The following FHIT variants were observed in gnomAD, a reference collection of about 807,000 sequenced individuals.
FHIT encodes bis(5'-adenosyl)-triphosphatase.
FHIT carries 19 observed loss-of-function variants against 17.9 expected under a neutral mutation model. The ratio of observed to expected loss-of-function variants is 1.06; its 90% CI spans 0.74 to 1.56. The LOEUF is 1.56. Ranked by LOEUF, FHIT falls within the 40% of genes most tolerant of loss-of-function variation. The probability of loss-of-function intolerance (pLI) is 0.00; values close to 1 mark genes in which losing one functional copy is unlikely to be tolerated. For missense variants in FHIT, 248 were observed against 189.2 expected (o/e 1.31, Z -1.82); for synonymous variants, 81 against 69.7 (o/e 1.16, Z -0.81).
intron 8 of FHIT, among the ~76,000 whole-genome samples, chr3:59,789,435 A>G (rs185986602): frequency 3.3e-4 from 50 of 152,292 alleles, no homozygotes; most frequent in African/African-American, 1.1e-3. Context: ...AACACTATGC[A>G]TTTTTCTCTT....
At chr3:60,712,384 C>T (rs1324685213) in intron 4 of FHIT, among the ~76,000 whole-genome samples, 2 of 152,056 alleles carry the variant, frequency 1.3e-5, no homozygotes, top group African/African-American at 4.8e-5. Flanking sequence ...AGCAAAATAA[C>T]CAGCTAACAT....
intron 5 of FHIT, among the ~76,000 whole-genome samples, chr3:60,346,467 G>A (rs113686297): frequency 0.012 from 1,780 of 152,326 alleles, 39 homozygotes; most frequent in African/African-American, 0.041. Flanking sequence ...TGGAGCCACA[G>A]GGAATTTGCA....
intron 5 of FHIT, among the ~76,000 whole-genome samples, chr3:60,334,932 C>CT (rs921739911): frequency 6.6e-6 from 1 of 152,136 alleles, no homozygotes; most frequent in Admixed American, 6.5e-5. Context: ...GAAACAGAAT[C>CT]TTTTTAAATT....
intron 4 of FHIT, chr3:60,730,327 A>G (rs1577129157): frequency 3.8e-6 from 1 of 264,680 alleles, no homozygotes; most frequent in East Asian, 1.0e-4. Flanking sequence ...CCCAATATCA[A>G]TGGTGAATAT....
chr3:60,090,976 C>T (rs752736706), intron 5 of FHIT, among the ~76,000 whole-genome samples: 1 of 152,172 alleles, frequency 6.6e-6, no homozygotes, highest in Admixed American at 6.5e-5. Flanking sequence ...TCATACTCAT[C>T]CATAATGACC....
intron 5 of FHIT, among the ~76,000 whole-genome samples, chr3:60,358,383 T>C (rs1232261866): frequency 6.6e-6 from 1 of 152,124 alleles, no homozygotes; most frequent in Non-Finnish European, 1.5e-5. Flanking sequence ...AAACCAAGGA[T>C]GGACTACAGT....
At chr3:60,976,090 C>CTTTTTTTTTTTTTTTT (rs1710224532) in intron 3 of FHIT, among the ~76,000 whole-genome samples, 2 of 58,084 alleles carry the variant, frequency 3.4e-5, no homozygotes, top group South Asian at 6.8e-4. Context: ...TTTCGTTTTT[C>CTTTTTTTTTTTTTTTT]TTTTTCTTTT....
chr3:60,221,296 C>G (rs1025843467), intron 5 of FHIT, among the ~76,000 whole-genome samples: 2 of 152,008 alleles, frequency 1.3e-5, no homozygotes, highest in African/African-American at 4.8e-5. Context: ...TTTAGACAAG[C>G]AGAACAACTC....
intron 1 of FHIT, among the ~76,000 whole-genome samples, chr3:61,226,412 C>T (rs2039972100): frequency 6.6e-6 from 1 of 151,976 alleles, no homozygotes; most frequent in Admixed American, 6.6e-5. Flanking sequence ...TTTCAATTAC[C>T]CTGATAGTCC....
At chr3:60,248,903 A>G (rs1262861660) in intron 5 of FHIT, among the ~76,000 whole-genome samples, 1 of 152,196 alleles carries the variant, frequency 6.6e-6, no homozygotes, top group Non-Finnish European at 1.5e-5. Context: ...ATCAAGGATG[A>G]AAAGGTGAGA....
At chr3:60,520,688 A>C (rs758020261) in intron 5 of FHIT, among the ~76,000 whole-genome samples, 8 of 152,194 alleles carry the variant, frequency 5.3e-5, no homozygotes, top group Non-Finnish European at 1.0e-4. Context: ...AGAGGACACT[A>C]ACATGGTGTT....
In FHIT at chr3:59,748,048, C is replaced by G. The variant is rs988471450; in HGVS notation, c.*1537G>C. On this transcript the variant is annotated 3_prime_UTR_variant, in exon 10 of 10. Transcript: ENST00000492590. The stretch of plus-strand genomic sequence containing the variant: ...GAATTAAATGCCCCTCTAATGGTGG[C>G]TAGCCTCACTTTTTAACACAGAGAC... Among the ~76,000 whole-genome samples the G allele has an allele frequency of 5.9e-5, 9 of 152,134 alleles. No individual in the cohort carries two copies. The highest frequency in any genetic ancestry group is 3.3e-4 in the Admixed American group (5 of 15,264).
At chr3:60,320,006 T>G (rs1045160502) in intron 5 of FHIT, among the ~76,000 whole-genome samples, 1 of 152,142 alleles carries the variant, frequency 6.6e-6, no homozygotes, top group African/African-American at 2.4e-5. Context: ...GTACCTCAAT[T>G]TAAAGCGCTC....
Position 60,764,138 on chromosome 3 carries a change from C to T in FHIT, c.-18+57781G>A, listed in dbSNP as rs374110254. 3.9e-5 allele frequency among the ~76,000 whole-genome samples: 6 copies of T among 152,202 alleles called. No homozygotes were observed. In the East Asian group the frequency reaches 1.2e-3, roughly 29 times the overall value. ...ACATCCAGCGTGGTATGTTTTCCATCATGTAGTGCTCCATCACCTGTCACT... is the reference window on the plus strand; with the variant it reads ...ACATCCAGCGTGGTATGTTTTCCATTATGTAGTGCTCCATCACCTGTCACT... On this transcript the variant is annotated intron_variant, in intron 4 of 9. Transcript: ENST00000492590.
intron 5 of FHIT, among the ~76,000 whole-genome samples, chr3:60,348,500 T>G (rs1039536606): frequency 2.0e-5 from 3 of 152,046 alleles, no homozygotes; most frequent in African/African-American, 7.2e-5. Context: ...ACTAAAGGAA[T>G]AGAGATTGCC....
At chr3:59,899,574 C>G (rs1295605463) in intron 8 of FHIT, among the ~76,000 whole-genome samples, 1 of 152,098 alleles carries the variant, frequency 6.6e-6, no homozygotes, top group Non-Finnish European at 1.5e-5. Context: ...TGGCTCACAC[C>G]TATAATCCTA....
At chr3:60,336,638 T>C (rs1028558851) in intron 5 of FHIT, among the ~76,000 whole-genome samples, 1 of 152,182 alleles carries the variant, frequency 6.6e-6, no homozygotes, top group Non-Finnish European at 1.5e-5. Flanking sequence ...CTTTAGTTAA[T>C]AAAAATTGGA....
chr3:60,253,129 ATATTTT>A (rs1214328416), intron 5 of FHIT, among the ~76,000 whole-genome samples: 2 of 152,222 alleles, frequency 1.3e-5, no homozygotes, highest in East Asian at 1.9e-4. Flanking sequence ...ATTGCTACTT[ATATTTT>A]TAAGTTTTTA....
chr3:61,037,724 C>G (rs549017522), intron 3 of FHIT, among the ~76,000 whole-genome samples: 2 of 152,314 alleles, frequency 1.3e-5, no homozygotes, highest in East Asian at 3.9e-4. Context: ...CTTTTTCCCT[C>G]ACTCATGTGT....
Sources: gnomAD v4.1 joint callset for allele counts (sites outside exome capture counted in the v4.1 genomes callset) on GRCh38, gnomAD v4.1.1 for gene constraint, MANE v1.5 for transcripts, NCBI Gene and HGNC (gene_info 2026-07-23, HGNC 2026-07-21) for gene names.